The following PFKFB3 variants were observed in gnomAD, a reference collection of about 807,000 sequenced individuals.
The protein encoded by PFKFB3 is 6-phosphofructo-2-kinase/fructose-2,6-biphosphatase 3, also known as 6-phosphofructo-2-kinase/fructose-2,6-bisphosphatase 3.
PFKFB3 carries 33 observed loss-of-function variants against 68.0 expected under a neutral mutation model. The observed-to-expected ratio is 0.49, with a 90% CI of 0.37 to 0.65. PFKFB3 has a LOEUF of 0.65. PFKFB3 is among the 30% of genes least tolerant of loss of function. The probability of loss-of-function intolerance (pLI) is 0.00; values close to 1 mark genes in which losing one functional copy is unlikely to be tolerated. For synonymous variants in PFKFB3, 315 were observed against 288.2 expected (o/e 1.09, Z -0.94); for missense variants, 586 against 712.2 (o/e 0.82, Z 2.02).
chr10:6,243,525 T>G (rs1846186893), intron 14 of PFKFB3, among the ~76,000 whole-genome samples: 1 of 152,222 alleles, frequency 6.6e-6, no homozygotes, highest in African/African-American at 2.4e-5. Flanking sequence ...GCTGTCACCC[T>G]AGTCCCATCA....
rs554550507 is a variant in PFKFB3, at chr10:6,220,354, C to T, written c.624-304C>T. Among the ~76,000 whole-genome samples, 8 of 152,228 alleles carry T rather than the reference C, an allele frequency of 5.3e-5. No homozygotes were observed. Among genetic ancestry groups the T allele is most frequent in the South Asian group, 4.1e-4 (2 of 4,822 alleles). ...CTAGACTCAAGCAATCCTCTTGCCT[C>T]GGCCTCCCAAAGTGCTGGGATTACA... is the stretch of plus-strand genomic sequence containing the variant. On this transcript the variant is annotated intron_variant, in intron 7 of 14. Coordinates refer to ENST00000379775, the MANE Select transcript of PFKFB3 (RefSeq NM_004566.4). The surrounding 1 kb of genome is among the most constrained non-coding windows in gnomAD (Gnocchi z 4.1).
At chr10:6,317,515 G>T in the PFKFB3 span, among the ~76,000 whole-genome samples, 2 of 152,162 alleles carry the variant, frequency 1.3e-5, no homozygotes, top group Admixed American at 6.5e-5. Flanking sequence ...GGAGCAGGAA[G>T]TCCAGAAAAT....
At chr10:6,275,521 G>A in the PFKFB3 span, among the ~76,000 whole-genome samples, 1 of 152,154 alleles carries the variant, frequency 6.6e-6, no homozygotes, top group East Asian at 1.9e-4. This position sits in a 1 kb window ranked among gnomAD's most constrained non-coding sequence, Gnocchi z 4.9. Context: ...GCTCTTGCTG[G>A]GAATTTTCTC....
the PFKFB3 span, chr10:6,326,594 C>T: frequency 3.8e-5 from 17 of 453,042 alleles, no homozygotes; most frequent in African/African-American, 2.6e-4. Flanking sequence ...CTCCCTGCTC[C>T]GTTGCCCCGA....
At chr10:6,307,169 C>T in the PFKFB3 span, among the ~76,000 whole-genome samples, 6 of 152,326 alleles carry the variant, frequency 3.9e-5, no homozygotes, top group African/African-American at 7.2e-5. Flanking sequence ...ACAGCAATGG[C>T]CTCGAACCTG....
intron 13 of PFKFB3, chr10:6,224,550 G>A (rs953507891): frequency 2.8e-5 from 13 of 470,012 alleles, no homozygotes; most frequent in African/African-American, 2.0e-4. Flanking sequence ...GCGCAGTCAC[G>A]GCTCACTGCA....
intron 1 of PFKFB3, among the ~76,000 whole-genome samples, chr10:6,151,984 A>C (rs1281049086): frequency 6.6e-6 from 1 of 151,922 alleles, no homozygotes; most frequent in Non-Finnish European, 1.5e-5. Flanking sequence ...AAAAAAAAAA[A>C]AAACCTGATG....
At chr10:6,265,772 G>A in the PFKFB3 span, among the ~76,000 whole-genome samples, 10 of 152,172 alleles carry the variant, frequency 6.6e-5, no homozygotes, top group South Asian at 1.9e-3. Context: ...GATGATTCTT[G>A]TCTCAACCAA....
the PFKFB3 span, among the ~76,000 whole-genome samples, chr10:6,315,733 G>A: frequency 6.6e-6 from 1 of 152,210 alleles, no homozygotes; most frequent in African/African-American, 2.4e-5. Context: ...TGATCCTCCT[G>A]CCTTGGGCTC....
At chr10:6,259,582 T>TCATCCATCCATCCATC (rs111915905), downstream of PFKFB3, among the ~76,000 whole-genome samples, 1,281 of 135,058 alleles carry the variant, frequency 9.5e-3, 26 homozygotes, top group African/African-American at 0.034. Flanking sequence ...ATCCATCCAC[T>TCATCCATCCATCCATC]CATCCATCCA....
the PFKFB3 span, chr10:6,326,448 A>T: frequency 4.7e-6 from 2 of 428,734 alleles, no homozygotes; most frequent in East Asian, 1.5e-4. Flanking sequence ...AACTTAAAAT[A>T]AAAATAGAAA....
the PFKFB3 span, chr10:6,293,608 A>G: frequency 2.8e-5 from 6 of 216,152 alleles, 1 homozygote; most frequent in South Asian, 4.6e-4. Flanking sequence ...GGCCTCCCAA[A>G]GTGCTGGGAT....
chr10:6,289,057 T>C, the PFKFB3 span, among the ~76,000 whole-genome samples: 1 of 151,336 alleles, frequency 6.6e-6, no homozygotes, highest in African/African-American at 2.4e-5. Context: ...GGTTGTTTGT[T>C]TTTTTCTCGT....
intron 5 of PFKFB3, 65 bp downstream of exon 5, chr10:6,216,845 C>A (rs1388891806): frequency 6.9e-6 from 8 of 1,165,030 alleles, no homozygotes; most frequent in Non-Finnish European, 1.0e-5. Flanking sequence ...CAGGAAGCGG[C>A]CTGAGTCCTG....
upstream of PFKFB3, among the ~76,000 whole-genome samples, chr10:6,199,024 G>A (rs1564612597): frequency 6.6e-6 from 1 of 152,202 alleles, no homozygotes. Context: ...TCATGTGTGA[G>A]TTACAAATAA....
rs867222890 is a variant in PFKFB3 at position 6,207,043 on chromosome 10, G to A, written c.76+3707G>A. ...TCACTTCCCAGATGGGGTGGCGGCC[G>A]GGCAGAGGCTGCAATCTCGGCACTT... On this transcript the variant is annotated intron_variant, in intron 1 of 14. Coordinates refer to ENST00000379775, the MANE Select transcript of PFKFB3 (RefSeq NM_004566.4). Among the ~76,000 whole-genome samples, 103 of 151,574 alleles carry A rather than the reference G, an allele frequency of 6.8e-4. 3 individuals carry two copies. The Middle Eastern group carries it at 0.01, about 15-fold the overall frequency.
At chr10:6,317,649 A>G in the PFKFB3 span, among the ~76,000 whole-genome samples, 2 of 152,228 alleles carry the variant, frequency 1.3e-5, no homozygotes, top group African/African-American at 4.8e-5. Flanking sequence ...GGGCATTTCA[A>G]GATCCTAAGG....
chr10:6,216,338 G>A (rs1175365542), intron 4 of PFKFB3, 147 bp downstream of exon 4: 5 of 752,118 alleles, frequency 6.6e-6, no homozygotes, highest in East Asian at 5.2e-5. Context: ...TCAGGAAGGA[G>A]GATGTGGGGT....
rs553756766 is a variant in PFKFB3, at chr10:6,146,545, G to C, written c.16+1532G>C. The C allele has an allele frequency of 4.0e-6, 6 of 1,502,390 alleles. No individual in the cohort carries two copies. In the African/African-American group the frequency reaches 5.5e-5, roughly 14 times the overall value. The allele number at this position is 1,502,390 out of a possible 1,614,324, so 93.1% of individuals were successfully genotyped here. On this transcript the variant is annotated intron_variant, in intron 1 of 14. Transcript: ENST00000379789. Reference sequence around the variant, plus strand: ...TGTGGGTTCTCTGGAGGCTCTCAGAGTGTCCCTCCCCCCCTACTCATTAAC... The same window carrying C: ...TGTGGGTTCTCTGGAGGCTCTCAGACTGTCCCTCCCCCCCTACTCATTAAC...
Sources: gnomAD v4.1 joint callset for allele counts (sites outside exome capture counted in the v4.1 genomes callset) on GRCh38, gnomAD v4.1.1 for gene constraint, Gnocchi (gnomAD v3.1) non-coding constraint, MANE v1.5 for transcripts, NCBI Gene and HGNC (gene_info 2026-07-23, HGNC 2026-07-21) for gene names.